The following CABP1 variants were observed in gnomAD, a reference collection of about 807,000 sequenced individuals.
The protein encoded by CABP1 is calcium-binding protein 1.
CABP1 carries 17 observed loss-of-function variants against 34.3 expected under a neutral mutation model. The ratio of observed to expected loss-of-function variants is 0.50; its 90% CI spans 0.34 to 0.74. The LOEUF (loss-of-function observed/expected upper bound fraction) is 0.74, where lower values mean the gene tolerates loss of function less well. Among genes scored for constraint, CABP1 ranks in the 30% least tolerant of loss-of-function variants. CABP1 has a pLI of 0.01. For synonymous variants in CABP1, 198 were observed against 229.2 expected, an observed-to-expected ratio of 0.86 and a Z score of 1.23; for missense variants, 373 against 511.1, an observed-to-expected ratio of 0.73 and a Z score of 2.61.
chr12:120,660,473 C>T lies in CABP1; in HGVS notation c.829+134C>T. ...TGATCTGGGGCCAACCACTTACCCT[C>T]TCTGAGCCTCAGTTTCCTCACCTGT... On this transcript the variant is annotated intron_variant, in intron 3 of 5. Coordinates refer to ENST00000316803, the MANE Select transcript of CABP1 (RefSeq NM_001033677.2). This position sits in a 1 kb window ranked among gnomAD's most constrained non-coding sequence, Gnocchi z 5.0. 2.0e-6 allele frequency: 2 copies of T among 1,001,934 alleles called. No homozygotes were observed. The highest frequency in any genetic ancestry group is 2.6e-5 in the East Asian group (1 of 38,528). 62.1% of individuals were successfully genotyped at this position (1,001,934 alleles called of 1,614,324 possible). A position where few individuals can be genotyped will look rare whatever the true frequency, so the allele number is the denominator to read the frequency against.
intron 5 of CABP1, among the ~76,000 whole-genome samples, chr12:120,666,588 G>T (rs1881005507): frequency 6.6e-6 from 1 of 152,172 alleles, no homozygotes; most frequent in Non-Finnish European, 1.5e-5. Flanking sequence ...GTTAGCCTGA[G>T]AGATATGGCT....
chr12:120,667,097 G>A lies in CABP1; in HGVS notation c.*197G>A, dbSNP rs1381574748. 1.1e-5 allele frequency: 7 copies of A among 633,258 alleles called. No homozygotes were observed. Among genetic ancestry groups the A allele is most frequent in the Admixed American group, 8.8e-5 (3 of 33,914 alleles). The allele number at this position is 633,258 out of a possible 1,614,324, so 39.2% of individuals were successfully genotyped here. A position where few individuals can be genotyped will look rare whatever the true frequency, so the allele number is the denominator to read the frequency against. Reference sequence around the variant, plus strand: ...AGACTAACTCCTGCAACTGGAAAGCGGGGGCGCCCGCCGACGAGGAGGCCA... The same window carrying A: ...AGACTAACTCCTGCAACTGGAAAGCAGGGGCGCCCGCCGACGAGGAGGCCA... On this transcript the variant is annotated 3_prime_UTR_variant, in exon 6 of 6. Coordinates refer to ENST00000316803, the MANE Select transcript of CABP1 (RefSeq NM_001033677.2).
intron 1 of CABP1, among the ~76,000 whole-genome samples, chr12:120,649,764 C>A (rs1310899731): frequency 6.6e-6 from 1 of 152,132 alleles, no homozygotes; most frequent in Admixed American, 6.5e-5. Context: ...AGGATCTGAT[C>A]TGACTGTTGG....
At chr12:120,655,731 C>T in intron 1 of CABP1, 1 of 1,450,600 alleles carries the variant, frequency 6.9e-7, no homozygotes, top group Non-Finnish European at 9.1e-7. Context: ...TCTGAGTGAA[C>T]ACTTCCCATT....
chr12:120,660,685 G>T lies in CABP1; in HGVS notation c.830-46G>T, dbSNP rs755861394. 2 of 1,302,382 alleles carry T rather than the reference G, an allele frequency of 1.5e-6. No individual in the cohort carries two copies. Among genetic ancestry groups the T allele is most frequent in the Non-Finnish European group, 1.1e-6 (1 of 896,016 alleles). The allele number at this position is 1,302,382 out of a possible 1,614,324, so 80.7% of individuals were successfully genotyped here. ...CTGTCAGTTGTCTAGTTGGAGACAGGGAATGGGTATGTCGGGGATGACCTA... is the reference window on the plus strand; with the variant it reads ...CTGTCAGTTGTCTAGTTGGAGACAGTGAATGGGTATGTCGGGGATGACCTA... On this transcript the variant is annotated intron_variant, in intron 3 of 5. Coordinates refer to ENST00000316803, the MANE Select transcript of CABP1 (RefSeq NM_001033677.2). The surrounding 1 kb of genome is among the most constrained non-coding windows in gnomAD (Gnocchi z 5.0).
chr12:120,679,104 T>G, the CABP1 span, among the ~76,000 whole-genome samples: 2 of 148,978 alleles, frequency 1.3e-5, no homozygotes, highest in Admixed American at 6.7e-5. Flanking sequence ...CCAACTTTAA[T>G]TTTTTGTTTA....
At chr12:120,667,440 GTTTA>G (rs368087961), downstream of CABP1, 1,318 of 159,270 alleles carry the variant, frequency 8.3e-3, 22 homozygotes, top group African/African-American at 0.03. Context: ...TTTTTTGTTT[GTTTA>G]TTTATTTATT....
chr12:120,648,963 C>T (rs1879678288), intron 1 of CABP1, among the ~76,000 whole-genome samples: 1 of 152,080 alleles, frequency 6.6e-6, no homozygotes. Context: ...TCCACTGACC[C>T]CTGCCTGGGC....
intron 1 of CABP1, among the ~76,000 whole-genome samples, chr12:120,649,630 G>C (rs1382239832): frequency 6.6e-6 from 1 of 152,138 alleles, no homozygotes; most frequent in Non-Finnish European, 1.5e-5. Flanking sequence ...GAGGCAGGGG[G>C]CGAGGAGGAG....
In CABP1 at chr12:120,641,059, C is replaced by T. The variant is rs1426692899; in HGVS notation, c.374C>T (p.Ala125Val). 1 of 1,186,128 alleles carries T rather than the reference C, an allele frequency of 8.4e-7. No homozygotes were observed. Among genetic ancestry groups the T allele is most frequent in the African/African-American group, 1.6e-5 (1 of 62,512 alleles). 73.5% of individuals were successfully genotyped at this position (1,186,128 alleles called of 1,614,324 possible). The change falls in exon 1 of 6, where the codon GCG becomes GTG. Residue 125 changes from alanine to valine, a missense_variant. Physicochemically the swap from Ala to Val is moderately conservative, Grantham distance 64. This residue lies in a region of CABP1 where 9 missense variants were observed against 35.5 expected (regional missense o/e 0.25). Coordinates refer to ENST00000316803, the MANE Select transcript of CABP1 (RefSeq NM_001033677.2). The surrounding 1 kb of genome is among the most constrained non-coding windows in gnomAD (Gnocchi z 6.7). ...TCGCGGAGGCCCCTGTGCCGGCCGG[C>T]GCCGCGAGAGGAGGGCGCGCGGGGG... is the stretch of plus-strand genomic sequence containing the variant. ...PSSRRPLCRP[A>V]PREEGARGSQ...
the CABP1 span, among the ~76,000 whole-genome samples, chr12:120,676,960 G>A: frequency 2.6e-5 from 4 of 152,142 alleles, no homozygotes; most frequent in East Asian, 1.9e-4. Flanking sequence ...CTAACAAGCC[G>A]AGTGCAGTGG....
Position 120,666,855 on chromosome 12 carries a change from C to A in CABP1, c.1088-20C>A. 1 of 1,601,778 alleles carries A rather than the reference C, an allele frequency of 6.2e-7. No individual in the cohort carries two copies. Among genetic ancestry groups the A allele is most frequent in the Non-Finnish European group, 8.5e-7 (1 of 1,176,792 alleles). ...CCTCTGGCTGCTGCTTGCTCCCCAG[C>A]TGCTCCTCTACCCTTCTAGAGTTTG... On this transcript the variant is annotated intron_variant, in intron 5 of 5. Coordinates refer to ENST00000316803, the MANE Select transcript of CABP1 (RefSeq NM_001033677.2).
chr12:120,656,634 G>T (rs112691245), intron 1 of CABP1, among the ~76,000 whole-genome samples: 1 of 152,098 alleles, frequency 6.6e-6, no homozygotes. Flanking sequence ...AGCGGCTCAC[G>T]CCTGTAATCC....
chr12:120,666,960 A>T lies in CABP1; in HGVS notation c.*60A>T, dbSNP rs1881033677. 1 of 1,556,986 alleles carries T rather than the reference A, an allele frequency of 6.4e-7. No individual in the cohort carries two copies. Among genetic ancestry groups the T allele is most frequent in the African/African-American group, 1.3e-5 (1 of 74,268 alleles). On this transcript the variant is annotated 3_prime_UTR_variant, in exon 6 of 6. Transcript: ENST00000316803. ...CAAAGGCGGGGCTAAGAGGAGCTAGAGCTTGCCTCACCCGCTGTAGCCGCC... is the reference window on the plus strand; with the variant it reads ...CAAAGGCGGGGCTAAGAGGAGCTAGTGCTTGCCTCACCCGCTGTAGCCGCC...
chr12:120,658,368 G>T (rs1880386696), intron 1 of CABP1, among the ~76,000 whole-genome samples: 2 of 151,982 alleles, frequency 1.3e-5, no homozygotes, highest in Admixed American at 1.3e-4. Context: ...AAAGTGCTAG[G>T]ATTACAGGCG....
intron 5 of CABP1, among the ~76,000 whole-genome samples, chr12:120,666,243 G>T (rs928525769): frequency 6.7e-6 from 1 of 149,712 alleles, no homozygotes; most frequent in Non-Finnish European, 1.5e-5. Flanking sequence ...AAGGGAGGGG[G>T]TACAGGTTGC....
In CABP1 at chr12:120,641,319, C is replaced by G. The variant is rs1305812973; in HGVS notation, c.634C>G (p.Leu212Val). Reference sequence around the variant, plus strand: ...GTTCCTCCACCGGCTGCGCCCCATGCTCAGCTCCGCCTTTGGCCAGGTAAG... The same window carrying G: ...GTTCCTCCACCGGCTGCGCCCCATGGTCAGCTCCGCCTTTGGCCAGGTAAG... The part of the protein sequence containing the change: ...DPFLHRLRPM[L>V]SSAFGQDRSL... Residue 212 changes from leucine (L) to valine (V), a missense_variant, in exon 1 of 6, where the codon CTC becomes GTC. By Grantham distance (32) the Leu-to-Val change is conservative. Around this residue, in one of 4 missense-constraint regions of CABP1, gnomAD observed 121 missense variants for 125.5 expected, o/e 0.96. Coordinates refer to ENST00000316803, the MANE Select transcript of CABP1 (RefSeq NM_001033677.2). This position sits in a 1 kb window ranked among gnomAD's most constrained non-coding sequence, Gnocchi z 6.7. 4 of 1,326,438 alleles carry G rather than the reference C, an allele frequency of 3.0e-6. No homozygotes were observed. The highest frequency in any genetic ancestry group is 3.8e-6 in the Non-Finnish European group (4 of 1,040,050). The allele number at this position is 1,326,438 out of a possible 1,614,324, so 82.2% of individuals were successfully genotyped here.
chr12:120,675,210 G>A, the CABP1 span, among the ~76,000 whole-genome samples: 15 of 151,944 alleles, frequency 9.9e-5, no homozygotes, highest in Middle Eastern at 3.4e-3. Context: ...GCACCGCCAC[G>A]CCCAGCTAAA....
At chr12:120,680,771 C>T in the CABP1 span, among the ~76,000 whole-genome samples, 1 of 152,000 alleles carries the variant, frequency 6.6e-6, no homozygotes, top group Non-Finnish European at 1.5e-5. Context: ...GGGTTCAGGC[C>T]CTCTAGCCTG....
Sources: allele counts gnomAD v4.1 joint callset (sites outside exome capture counted in the v4.1 genomes callset), GRCh38; gene constraint gnomAD v4.1.1; regional missense constraint gnomAD v4.1.1; non-coding constraint Gnocchi (gnomAD v3.1); transcripts MANE v1.5; gene names NCBI Gene and HGNC (gene_info 2026-07-23, HGNC 2026-07-21).